GPR89A: variants seen among roughly 807,000 people sequenced by gnomAD.
The protein encoded by GPR89A is G protein-coupled receptor 89A.
GPR89A carries 16 observed loss-of-function variants against 52.0 expected under a neutral mutation model. That is an observed-to-expected ratio of 0.31 (90% CI 0.21 to 0.47). The LOEUF is 0.47. Ranked by LOEUF, GPR89A falls within the 20% of genes least tolerant of loss-of-function variation. GPR89A has a pLI of 1.00. For missense variants in GPR89A, 135 were observed against 449.4 expected (o/e 0.30, Z 6.33); for synonymous variants, 55 against 150.9 (o/e 0.36, Z 4.66).
chr1:145,626,957 A>AAG (rs1649551622), intron 5 of GPR89A, among the ~76,000 whole-genome samples: 2 of 148,434 alleles, frequency 1.3e-5, no homozygotes, highest in African/African-American at 5.0e-5. Context: ...TACAAAAAAA[A>AAG]AAAAAAAGAT....
chr1:145,649,288 T>G (rs1651280677), intron 10 of GPR89A, among the ~76,000 whole-genome samples: 1 of 152,086 alleles, frequency 6.6e-6, no homozygotes, highest in South Asian at 2.1e-4. Context: ...GGTGTCCCTT[T>G]GTAATGCCTC....
chr1:145,650,179 C>A (rs1319096813), intron 10 of GPR89A, among the ~76,000 whole-genome samples: 3 of 151,512 alleles, frequency 2.0e-5, no homozygotes, highest in African/African-American at 7.3e-5. Flanking sequence ...TTGTTCCCTC[C>A]CTGTGTCTGT....
intron 5 of GPR89A, among the ~76,000 whole-genome samples, chr1:145,626,146 A>G (rs1649481798): frequency 6.6e-6 from 1 of 150,716 alleles, no homozygotes; most frequent in South Asian, 2.1e-4. Context: ...ACCTATTTCA[A>G]AGAAACCCAC....
chr1:145,647,876 T>C (rs1651150344), intron 10 of GPR89A, among the ~76,000 whole-genome samples: 1 of 65,376 alleles, frequency 1.5e-5, no homozygotes, highest in Non-Finnish European at 3.0e-5. Flanking sequence ...TCTCTCTCTC[T>C]CTCTATATAT....
At chr1:145,615,396 C>T (rs1358667712) in intron 1 of GPR89A, among the ~76,000 whole-genome samples, 1 of 151,192 alleles carries the variant, frequency 6.6e-6, no homozygotes, top group Non-Finnish European at 1.5e-5. Context: ...CAGGCTGGAG[C>T]GCAGTGGTGC....
intron 5 of GPR89A, among the ~76,000 whole-genome samples, chr1:145,627,577 T>G (rs1649595620): frequency 1.3e-5 from 2 of 152,216 alleles, no homozygotes; most frequent in South Asian, 4.1e-4. Flanking sequence ...GAGCATCCAC[T>G]TTATATAAAT....
intron 5 of GPR89A, among the ~76,000 whole-genome samples, chr1:145,627,361 G>T (rs1390534397): frequency 6.6e-6 from 1 of 151,976 alleles, no homozygotes. Flanking sequence ...TTAATCTCTT[G>T]GATTTTTTAT....
At chr1:145,630,341 G>GT (rs1222485873) in intron 5 of GPR89A, among the ~76,000 whole-genome samples, 65,538 of 66,062 alleles carry the variant, frequency 0.99, 32,531 homozygotes, top group South Asian at 1. Flanking sequence ...TACTTTCTTA[G>GT]TTTTTTTTTT....
At chr1:145,615,898 G>A (rs1211265857) in intron 1 of GPR89A, among the ~76,000 whole-genome samples, 7 of 152,016 alleles carry the variant, frequency 4.6e-5, no homozygotes, top group African/African-American at 1.7e-4. Context: ...GGGATTACAA[G>A]TGTGAGGCAC....
chr1:145,646,991 A>T lies in GPR89A; in HGVS notation c.817-184A>T, dbSNP rs1481266186. On this transcript the variant is annotated intron_variant, in intron 9 of 13. Transcript: ENST00000313835. ...ATAATGCATGTAAGATGTTTATCCC[A>T]GTCTCTAGCTAAAAGCAAGCATTCA... The T allele has an allele frequency of 4.4e-6, 3 of 687,000 alleles. No individual in the cohort carries two copies. In the Admixed American group the frequency reaches 9.3e-5, roughly 21 times the overall value. 42.6% of individuals were successfully genotyped at this position (687,000 alleles called of 1,614,324 possible). A position where few individuals can be genotyped will look rare whatever the true frequency, so the allele number is the denominator to read the frequency against.
At chr1:145,612,129 C>G (rs1342532649) in intron 1 of GPR89A, 1 of 152,004 alleles carries the variant, frequency 6.6e-6, no homozygotes, top group African/African-American at 2.4e-5. Context: ...TGTTTCATTC[C>G]CCTCAAAGTT....
chr1:145,667,647 A>G (rs1468426992), intron 12 of GPR89A, among the ~76,000 whole-genome samples: 1 of 152,182 alleles, frequency 6.6e-6, no homozygotes, highest in Admixed American at 6.5e-5. Flanking sequence ...GTCCTTGCCC[A>G]TGCCTATGTC....
chr1:145,646,544 C>G (rs1329831047), intron 9 of GPR89A: 1 of 444,564 alleles, frequency 2.2e-6, no homozygotes, highest in Non-Finnish European at 4.0e-6. Flanking sequence ...CGTACCACCT[C>G]CTACTAACCT....
At chr1:145,659,235 A>G (rs1480459087) in intron 10 of GPR89A, among the ~76,000 whole-genome samples, 1 of 151,856 alleles carries the variant, frequency 6.6e-6, no homozygotes, top group Non-Finnish European at 1.5e-5. Context: ...CCCAGGCTGG[A>G]GTGCAGTGGT....
rs1232297627 is a variant in GPR89A, at chr1:145,670,504, T to C, written c.*464T>C. On this transcript the variant is annotated 3_prime_UTR_variant, in exon 14 of 14. Transcript: ENST00000313835. The stretch of plus-strand genomic sequence containing the variant: ...TCATTTTATCAAGCATAGCTTGGTA[T>C]TTATTATGCTTGTGTGATCTAACAT... The C allele has an allele frequency of 4.0e-6, 1 of 250,770 alleles. No homozygotes were observed. Among genetic ancestry groups the C allele is most frequent in the Non-Finnish European group, 7.8e-6 (1 of 128,946 alleles). The allele number at this position is 250,770 out of a possible 1,614,324, so 15.5% of individuals were successfully genotyped here. A position where few individuals can be genotyped will look rare whatever the true frequency, so the allele number is the denominator to read the frequency against.
intron 7 of GPR89A, among the ~76,000 whole-genome samples, chr1:145,643,449 A>G: frequency 6.6e-6 from 1 of 152,100 alleles, no homozygotes; most frequent in East Asian, 1.9e-4. Flanking sequence ...TACAGGAGTG[A>G]GCCACCACAC....
intron 7 of GPR89A, among the ~76,000 whole-genome samples, chr1:145,640,928 A>G (rs1375136054): frequency 6.6e-6 from 1 of 151,480 alleles, no homozygotes; most frequent in Non-Finnish European, 1.5e-5. Flanking sequence ...ATTGTTAGCC[A>G]TTATGGACAT....
chr1:145,656,361 G>A (rs1333981418), intron 10 of GPR89A, among the ~76,000 whole-genome samples: 15 of 151,996 alleles, frequency 9.9e-5, no homozygotes, highest in African/African-American at 3.6e-4. Flanking sequence ...GGTTTCCTGG[G>A]CAGGGTGCCA....
chr1:145,649,132 G>C (rs1477792633), intron 10 of GPR89A, among the ~76,000 whole-genome samples: 1 of 151,972 alleles, frequency 6.6e-6, no homozygotes, highest in Non-Finnish European at 1.5e-5. Flanking sequence ...AGGTTTATTG[G>C]GGTATAACTG....
Sources: allele counts gnomAD v4.1 joint callset (sites outside exome capture counted in the v4.1 genomes callset), GRCh38; gene constraint gnomAD v4.1.1; transcripts MANE v1.5; gene names NCBI Gene and HGNC (gene_info 2026-07-23, HGNC 2026-07-21).